MDN1: variants seen among roughly 807,000 people sequenced by gnomAD.
MDN1 encodes the protein midasin AAA ATPase 1.
A neutral mutation model predicts 669.2 loss-of-function variants in MDN1; 266 were observed. The ratio of observed to expected loss-of-function variants is 0.40; its 90% confidence interval spans 0.36 to 0.44. The LOEUF is 0.44. MDN1 is among the 20% of genes least tolerant of loss of function. The pLI is 1.00. For missense variants in MDN1, 5,940 were observed against 6,754.0 expected (o/e 0.88, Z 4.22); for synonymous variants, 2,385 against 2,457.1 (o/e 0.97, Z 0.87).
At chr6:89,798,455 T>C (rs959080123) in intron 2 of MDN1, among the ~76,000 whole-genome samples, 5 of 151,858 alleles carry the variant, frequency 3.3e-5, no homozygotes, top group African/African-American at 1.2e-4. Flanking sequence ...TGAGCCAAGA[T>C]TGCACCACTG....
intron 17 of MDN1, among the ~76,000 whole-genome samples, chr6:89,760,447 A>G (rs1164753076): frequency 1.3e-5 from 2 of 152,214 alleles, no homozygotes; most frequent in Admixed American, 6.5e-5. Flanking sequence ...CTTTAAAAAT[A>G]GTAATAGATC....
rs777620262 is a variant in MDN1 at position 89,708,602 on chromosome 6, G to A, written c.7792C>T (p.Arg2598Ter). The A allele has an allele frequency of 6.2e-6, 10 of 1,613,740 alleles. No individual in the cohort carries two copies. The African/African-American group carries it at 8.0e-5, about 13-fold the overall frequency. The change falls in exon 51 of 102, where the codon CGA (arginine) becomes TGA (stop). Residue 2598 changes from arginine to a stop codon, truncating the protein, a stop_gained. Transcript: ENST00000369393. LOFTEE classifies it high-confidence loss of function. ...TDEFVIPLDP[R>*]WNMQALDMIR... The stretch of plus-strand genomic sequence containing the variant: ...ATGTCCAGAGCCTGCATATTCCATC[G>A]GGGATCCAGAGGGATCACAAATTCA...
At chr6:89,698,752 G>C (rs1340623340) in intron 59 of MDN1, 113 bp downstream of exon 59, 6 of 952,136 alleles carry the variant, frequency 6.3e-6, no homozygotes, top group Non-Finnish European at 9.6e-6. Context: ...GTAAAGTGTT[G>C]CAATCACCTG....
intron 34 of MDN1, among the ~76,000 whole-genome samples, chr6:89,731,906 TA>T (rs928484804): frequency 2.9e-4 from 41 of 139,612 alleles, no homozygotes; most frequent in Middle Eastern, 3.8e-3. Flanking sequence ...TTTCCTTATT[TA>T]AAAAAAAAAA....
At chr6:89,797,436 G>A (rs1345890274) in intron 2 of MDN1, among the ~76,000 whole-genome samples, 3 of 151,392 alleles carry the variant, frequency 2.0e-5, no homozygotes, top group East Asian at 1.9e-4. Context: ...AAAATGGACT[G>A]TAGCGGGTTC....
intron 84 of MDN1, among the ~76,000 whole-genome samples, chr6:89,667,214 C>G (rs1810320591): frequency 6.7e-6 from 1 of 150,338 alleles, no homozygotes; most frequent in African/African-American, 2.4e-5. Flanking sequence ...GTAGTATACA[C>G]TGATTTAGAT....
intron 97 of MDN1, among the ~76,000 whole-genome samples, chr6:89,649,004 A>AAG (rs1242015755): frequency 6.6e-6 from 1 of 151,414 alleles, no homozygotes; most frequent in African/African-American, 2.4e-5. Flanking sequence ...AAAAAAAAAA[A>AAG]AAGAAAGAAA....
chr6:89,731,931 C>A (rs1441333638), intron 34 of MDN1, among the ~76,000 whole-genome samples: 1 of 149,850 alleles, frequency 6.7e-6, no homozygotes, highest in Non-Finnish European at 1.5e-5. Context: ...AACTTTCTAA[C>A]TCATTACAAA....
chr6:89,790,922 C>T (rs1819235609), intron 5 of MDN1, among the ~76,000 whole-genome samples: 1 of 152,134 alleles, frequency 6.6e-6, no homozygotes. Flanking sequence ...ACTCGGGAAG[C>T]TAAGGCTGAA....
chr6:89,686,861 G>A (rs753041575), intron 69 of MDN1, 41 bp downstream of exon 69: 1 of 1,608,102 alleles, frequency 6.2e-7, no homozygotes, highest in Non-Finnish European at 8.5e-7. Flanking sequence ...CATTTAGCCG[G>A]GAAGCTCTAA....
intron 11 of MDN1, among the ~76,000 whole-genome samples, chr6:89,779,887 G>C (rs373723997): frequency 1.8e-4 from 27 of 152,014 alleles, no homozygotes; most frequent in African/African-American, 6.3e-4. Context: ...CCAACATGGT[G>C]AAACCTCGTT....
chr6:89,774,531 G>C, intron 13 of MDN1, 90 bp downstream of exon 13: 1 of 928,704 alleles, frequency 1.1e-6, no homozygotes, highest in Non-Finnish European at 1.8e-6. Context: ...TCAGACATGT[G>C]TTTTGCACAA....
At chr6:89,786,179 A>G (rs1818947593) in intron 8 of MDN1, among the ~76,000 whole-genome samples, 2 of 152,168 alleles carry the variant, frequency 1.3e-5, no homozygotes, top group South Asian at 4.1e-4. Context: ...GAATCGCTTG[A>G]ACCCGGGAGG....
At chr6:89,800,085 T>C (rs911385647) in intron 2 of MDN1, among the ~76,000 whole-genome samples, 8 of 151,740 alleles carry the variant, frequency 5.3e-5, no homozygotes, top group Admixed American at 5.3e-4. Context: ...TGGTCAAAGA[T>C]ATAATAAATC....
intron 59 of MDN1, among the ~76,000 whole-genome samples, chr6:89,698,377 C>T (rs1349517541): frequency 1.3e-5 from 2 of 152,198 alleles, no homozygotes; most frequent in South Asian, 2.1e-4. Flanking sequence ...AACACTTTAT[C>T]GGTAAGAAAG....
chr6:89,691,153 G>C (rs1208211689), intron 63 of MDN1, among the ~76,000 whole-genome samples: 2 of 152,188 alleles, frequency 1.3e-5, no homozygotes, highest in Non-Finnish European at 1.5e-5. Context: ...CAGACTCAGG[G>C]TTGGCCATGA....
In MDN1 at chr6:89,715,717, T is replaced by C; in HGVS notation, c.6796A>G (p.Thr2266Ala). Residue 2266 changes from threonine to alanine, a missense_variant, in exon 45 of 102, where the codon ACT becomes GCT. Transcript: ENST00000369393. ...NALLEPGGVL[T>A]ISERGMIDGS... is the part of the protein sequence containing the mutation. ...TCTATCATTCCTCTCTCACTAATAG[T>C]GAGGACACCTCCGGGTTCAAGCAAA... 1 of 1,613,992 alleles carries C rather than the reference T, an allele frequency of 6.2e-7. No individual in the cohort carries two copies. The highest frequency in any genetic ancestry group is 2.2e-5 in the East Asian group (1 of 44,884).
intron 69 of MDN1, among the ~76,000 whole-genome samples, chr6:89,686,478 T>C (rs983132059): frequency 1.7e-4 from 26 of 152,088 alleles, no homozygotes; most frequent in Non-Finnish European, 1.6e-4. Flanking sequence ...CAGCTGCACA[T>C]AGAGCATGTG....
In MDN1 at chr6:89,678,547, CT is replaced by C. The variant is rs1270175837; in HGVS notation, c.12412+51del. On this transcript the variant is annotated intron_variant, in intron 75 of 101. Coordinates refer to ENST00000369393, the MANE Select transcript of MDN1 (RefSeq NM_014611.3). ...CCCCAAAATCAGTCATGTCATTTCT[CT>C]CCCTAAAAGTTGGTGACTACATTTC... is the stretch of plus-strand genomic sequence containing the variant. The C allele has an allele frequency of 5.0e-6, 8 of 1,584,582 alleles. No homozygotes were observed. The Admixed American group carries it at 1.0e-4, about 21-fold the overall frequency.
Sources: allele counts gnomAD v4.1 joint callset (sites outside exome capture counted in the v4.1 genomes callset), GRCh38; gene constraint gnomAD v4.1.1; transcripts MANE v1.5; gene names NCBI Gene and HGNC (gene_info 2026-07-23, HGNC 2026-07-21).